Variants in RASEF observed in about 807,000 individuals in gnomAD.
The protein encoded by RASEF is RAS and EF-hand domain containing, also known as ras and EF-hand domain-containing protein.
RASEF carries 68 observed loss-of-function variants against 90.1 expected under a neutral mutation model. The observed-to-expected ratio is 0.75, with a 90% confidence interval of 0.62 to 0.92. The LOEUF (loss-of-function observed/expected upper bound fraction) is 0.92. Ranked by LOEUF, RASEF falls within the 40% of genes least tolerant of loss-of-function variation. RASEF has a pLI of 0.00. For missense variants in RASEF, 949 were observed against 937.2 expected, an observed-to-expected ratio of 1.01 and a Z score of -0.16; for synonymous variants, 331 against 345.2, an observed-to-expected ratio of 0.96 and a Z score of 0.46.
the RASEF span, among the ~76,000 whole-genome samples, chr9:83,116,896 T>C: frequency 6.6e-6 from 1 of 152,230 alleles, no homozygotes; most frequent in African/African-American, 2.4e-5. Flanking sequence ...GTTGACCAAT[T>C]ACTTTCGTTC....
the RASEF span, among the ~76,000 whole-genome samples, chr9:83,137,393 A>C: frequency 6.6e-6 from 1 of 152,186 alleles, no homozygotes; most frequent in Admixed American, 6.6e-5. Context: ...TAATCATAAC[A>C]ACTGGTTAAT....
In RASEF at chr9:83,005,433, T is replaced by C; in HGVS notation, c.1096A>G (p.Lys366Glu). ...TGGCATACCAAAGATCTGTTGAACT[T>C]GCTATAACTGTTTTCAAGGGCACTT... ...LRSALENSYS[K>E]FNRSLHINNI... is the part of the protein sequence containing the mutation. Residue 366 changes from lysine to glutamate, a missense_variant, in exon 8 of 17, where the codon AAG becomes GAG. Physicochemically the swap from Lys to Glu is moderately conservative, Grantham distance 56. This residue lies in a region of RASEF where 656 missense variants were observed against 592.2 expected (regional missense o/e 1.11). Coordinates refer to ENST00000376447, the MANE Select transcript of RASEF (RefSeq NM_152573.4). 1 of 1,612,884 alleles carries C rather than the reference T, an allele frequency of 6.2e-7. No individual in the cohort carries two copies. The highest frequency in any genetic ancestry group is 1.1e-5 in the South Asian group (1 of 91,048).
chr9:83,174,989 C>CT, the RASEF span, among the ~76,000 whole-genome samples: 6 of 152,140 alleles, frequency 3.9e-5, no homozygotes, highest in South Asian at 1.0e-3. Context: ...TTGGAAAACT[C>CT]ATTTATTAGT....
chr9:83,085,447 A>C, the RASEF span, among the ~76,000 whole-genome samples: 1 of 152,118 alleles, frequency 6.6e-6, no homozygotes, highest in Non-Finnish European at 1.5e-5. Flanking sequence ...CAGCCTAGGC[A>C]ACATGGCAAA....
chr9:83,127,349 A>G, the RASEF span, among the ~76,000 whole-genome samples: 2 of 152,244 alleles, frequency 1.3e-5, no homozygotes, highest in Non-Finnish European at 2.9e-5. Context: ...AGAAGTAAAA[A>G]TAAATGTGTT....
At chr9:83,033,332 GT>G (rs1480925165) in intron 1 of RASEF, among the ~76,000 whole-genome samples, 1 of 152,180 alleles carries the variant, frequency 6.6e-6, no homozygotes, top group East Asian at 1.9e-4. Flanking sequence ...TGACTGAAAA[GT>G]TCTGTGAGGA....
At chr9:83,045,771 T>G (rs1829917448) in intron 1 of RASEF, among the ~76,000 whole-genome samples, 1 of 152,232 alleles carries the variant, frequency 6.6e-6, no homozygotes, top group Non-Finnish European at 1.5e-5. Flanking sequence ...TGAAGTATGC[T>G]AAAGCAGAAA....
intron 1 of RASEF, among the ~76,000 whole-genome samples, chr9:83,059,020 T>C (rs1830157367): frequency 6.6e-6 from 1 of 151,990 alleles, no homozygotes. Context: ...TGTCCCTCCT[T>C]TGGATACTTT....
At chr9:82,985,641 T>C (rs1729089692) in intron 16 of RASEF, among the ~76,000 whole-genome samples, 1 of 152,134 alleles carries the variant, frequency 6.6e-6, no homozygotes, top group Non-Finnish European at 1.5e-5. Flanking sequence ...CAGTAGAGGA[T>C]GAACTGATAT....
chr9:83,136,580 C>T, the RASEF span, among the ~76,000 whole-genome samples: 3 of 152,082 alleles, frequency 2.0e-5, no homozygotes, highest in African/African-American at 4.8e-5. Context: ...TGTACCAATT[C>T]TACTACGACC....
At chr9:83,202,639 CTTGTTTTT>C in the RASEF span, among the ~76,000 whole-genome samples, 1 of 151,864 alleles carries the variant, frequency 6.6e-6, no homozygotes, top group African/African-American at 2.4e-5. Flanking sequence ...CTATGCTTGG[CTTGTTTTT>C]TTGTTTGTTT....
At chr9:83,130,080 A>G in the RASEF span, among the ~76,000 whole-genome samples, 1 of 152,216 alleles carries the variant, frequency 6.6e-6, no homozygotes, top group Admixed American at 6.5e-5. Context: ...AGTGAAGAAA[A>G]GCAATATGAG....
At chr9:83,056,364 C>T (rs888516584) in intron 1 of RASEF, among the ~76,000 whole-genome samples, 1 of 152,206 alleles carries the variant, frequency 6.6e-6, no homozygotes, top group African/African-American at 2.4e-5. Flanking sequence ...TCAGGTGAGG[C>T]AGCCCTGAAC....
intron 1 of RASEF, chr9:83,048,068 C>G: frequency 1.0e-6 from 1 of 967,200 alleles, no homozygotes; most frequent in Non-Finnish European, 1.2e-6. Context: ...GCATATAAAG[C>G]AGAGGCTCTT....
chr9:83,135,421 C>T, the RASEF span, among the ~76,000 whole-genome samples: 1 of 151,874 alleles, frequency 6.6e-6, no homozygotes, highest in African/African-American at 2.4e-5. Flanking sequence ...TGCAGCAAAC[C>T]AACATGGCAC....
At chr9:83,089,935 TAG>T in the RASEF span, among the ~76,000 whole-genome samples, 118 of 151,720 alleles carry the variant, frequency 7.8e-4, no homozygotes, top group Middle Eastern at 3.4e-3. Context: ...GATAGATAGA[TAG>T]ATAGATAGAT....
the RASEF span, among the ~76,000 whole-genome samples, chr9:83,154,621 A>G: frequency 5.9e-5 from 9 of 152,286 alleles, no homozygotes; most frequent in Middle Eastern, 3.4e-3. Context: ...TAAAGCACAA[A>G]GAGTCAGAGC....
chr9:83,030,619 C>G (rs1327983351), intron 1 of RASEF, among the ~76,000 whole-genome samples: 1 of 152,126 alleles, frequency 6.6e-6, no homozygotes, highest in African/African-American at 2.4e-5. Flanking sequence ...GAAAATATGT[C>G]ACATGGTTAA....
chr9:82,987,998 TC>T (rs759889805), intron 16 of RASEF, among the ~76,000 whole-genome samples: 10 of 152,196 alleles, frequency 6.6e-5, no homozygotes, highest in Non-Finnish European at 1.5e-4. Context: ...AATGCAGTGT[TC>T]CGCTGACCAA....
Sources: allele counts gnomAD v4.1 joint callset (sites outside exome capture counted in the v4.1 genomes callset), GRCh38; gene constraint gnomAD v4.1.1; regional missense constraint gnomAD v4.1.1; transcripts MANE v1.5; gene names NCBI Gene and HGNC (gene_info 2026-07-23, HGNC 2026-07-21).